Variants in SKAP1 observed in about 807,000 individuals in gnomAD.
The protein encoded by SKAP1 is src kinase associated phosphoprotein 1.
SKAP1 carries 44 observed loss-of-function variants against 58.5 expected under a neutral mutation model. The ratio of observed to expected loss-of-function variants is 0.75; its 90% confidence interval spans 0.59 to 0.97. The LOEUF is 0.97. SKAP1 is among the 50% of genes least tolerant of loss of function. The probability of loss-of-function intolerance (pLI) is 0.00; values close to 1 mark genes in which losing one functional copy is unlikely to be tolerated. For synonymous variants in SKAP1, 127 were observed against 149.7 expected (o/e 0.85, Z 1.11); for missense variants, 390 against 435.2 (o/e 0.90, Z 0.92).
At chr17:48,430,561 G>T (rs1409987097), upstream of SKAP1, among the ~76,000 whole-genome samples, 1 of 152,160 alleles carries the variant, frequency 6.6e-6, no homozygotes, top group East Asian at 1.9e-4. Flanking sequence ...GTGCAGGGAG[G>T]CAGAATCCAA....
intron 11 of SKAP1, among the ~76,000 whole-genome samples, chr17:48,151,956 A>C (rs1336073801): frequency 6.6e-6 from 1 of 152,256 alleles, no homozygotes; most frequent in Admixed American, 6.5e-5. Context: ...AGAAAGGTTC[A>C]GAATATTCTC....
chr17:48,149,495 C>T (rs780311496), intron 11 of SKAP1, among the ~76,000 whole-genome samples: 2 of 152,174 alleles, frequency 1.3e-5, no homozygotes, highest in Non-Finnish European at 2.9e-5. Context: ...GGAAAAGCAA[C>T]GTCCCAGTTG....
At chr17:48,291,488 G>A (rs1334311880) in intron 4 of SKAP1, among the ~76,000 whole-genome samples, 1 of 152,122 alleles carries the variant, frequency 6.6e-6, no homozygotes, top group Non-Finnish European at 1.5e-5. Context: ...TTGCGTACTG[G>A]CAATCAAATC....
At chr17:48,276,849 G>C (rs1320720372) in intron 4 of SKAP1, among the ~76,000 whole-genome samples, 1 of 152,190 alleles carries the variant, frequency 6.6e-6, no homozygotes, top group South Asian at 2.1e-4. Flanking sequence ...GATTGAGCTA[G>C]TTGTATGCGT....
At chr17:48,360,078 T>G (rs1294047087) in intron 3 of SKAP1, among the ~76,000 whole-genome samples, 1 of 152,186 alleles carries the variant, frequency 6.6e-6, no homozygotes. Context: ...ATCTTTAAGT[T>G]GGCAAGAGAT....
chr17:48,284,185 G>A (rs1191754549), intron 4 of SKAP1, among the ~76,000 whole-genome samples: 1 of 152,184 alleles, frequency 6.6e-6, no homozygotes, highest in Non-Finnish European at 1.5e-5. Context: ...GCAAACATTT[G>A]TAGTTGTTCT....
intron 9 of SKAP1, among the ~76,000 whole-genome samples, chr17:48,178,308 C>T (rs8077950): frequency 0.027 from 4,111 of 152,088 alleles, 174 homozygotes; most frequent in African/African-American, 0.092. Context: ...TCTTTCCACC[C>T]GAGAAGGTTC....
rs551400591 is a variant in SKAP1, at chr17:48,311,160, G to A, written c.280+34745C>T. The stretch of plus-strand genomic sequence containing the variant: ...ATGAAAGCCCATCTGTTCCCGTCTC[G>A]GAGTACAAATCGAGTGTCACCCAAC... On this transcript the variant is annotated intron_variant, in intron 4 of 12. Coordinates refer to ENST00000336915, the MANE Select transcript of SKAP1 (RefSeq NM_003726.4). 1.7e-4 allele frequency among the ~76,000 whole-genome samples: 26 copies of A among 152,224 alleles called. No individual in the cohort carries two copies. The South Asian group carries it at 3.7e-3, about 22-fold the overall frequency.
intron 4 of SKAP1, among the ~76,000 whole-genome samples, chr17:48,303,587 C>A (rs1393897060): frequency 6.6e-6 from 1 of 152,142 alleles, no homozygotes; most frequent in Non-Finnish European, 1.5e-5. Context: ...TTTAAAGGGA[C>A]CGCTTTCCTT....
chr17:48,213,710 T>C (rs2064903748), intron 4 of SKAP1, among the ~76,000 whole-genome samples: 1 of 152,210 alleles, frequency 6.6e-6, no homozygotes, highest in South Asian at 2.1e-4. Flanking sequence ...TCACTATGTG[T>C]TGAGGAAAAT....
chr17:48,145,044 G>A (rs2063811680), intron 11 of SKAP1, among the ~76,000 whole-genome samples: 1 of 151,856 alleles, frequency 6.6e-6, no homozygotes, highest in Admixed American at 6.6e-5. Flanking sequence ...AATATAAAAA[G>A]TTATTAAAAA....
At chr17:48,134,467 G>A (rs1328648695) in intron 12 of SKAP1, among the ~76,000 whole-genome samples, 4 of 151,680 alleles carry the variant, frequency 2.6e-5, no homozygotes, top group Non-Finnish European at 4.4e-5. Context: ...ACAGGCGCCC[G>A]CCACCACGCC....
At chr17:48,293,114 AT>A (rs2065919161) in intron 4 of SKAP1, among the ~76,000 whole-genome samples, 1 of 152,200 alleles carries the variant, frequency 6.6e-6, no homozygotes, top group South Asian at 2.1e-4. Flanking sequence ...GTAGTTTTCA[AT>A]ATAATATATT....
intron 4 of SKAP1, among the ~76,000 whole-genome samples, chr17:48,284,616 T>G (rs1464060150): frequency 6.6e-6 from 1 of 152,204 alleles, no homozygotes; most frequent in Non-Finnish European, 1.5e-5. Flanking sequence ...TACACTTATA[T>G]TCAATATATC....
At chr17:48,411,105 G>C (rs1327929798) in intron 1 of SKAP1, among the ~76,000 whole-genome samples, 2 of 151,942 alleles carry the variant, frequency 1.3e-5, no homozygotes, top group Admixed American at 6.6e-5. Context: ...TGGTTGAATA[G>C]ATAAATAAGT....
chr17:48,305,295 C>A (rs139776737), intron 4 of SKAP1, among the ~76,000 whole-genome samples: 202 of 152,254 alleles, frequency 1.3e-3, no homozygotes, highest in Non-Finnish European at 1.4e-3. Flanking sequence ...AGTGATCCTC[C>A]CACCTTGGCC....
chr17:48,332,308 T>C lies in SKAP1; in HGVS notation c.280+13597A>G, dbSNP rs1433711672. 2.6e-5 allele frequency among the ~76,000 whole-genome samples: 4 copies of C among 152,158 alleles called. 1 individual carries two copies. The South Asian group carries it at 8.3e-4, about 31-fold the overall frequency. ...TGTTGAATAGGCTTACTTTTTATAA[T>C]TTCTTTTTACATGCTCTCTGGATAT... On this transcript the variant is annotated intron_variant, in intron 4 of 12. Transcript: ENST00000336915.
chr17:48,293,202 T>C lies in SKAP1; in HGVS notation c.280+52703A>G, dbSNP rs528030654. Among the ~76,000 whole-genome samples the C allele has an allele frequency of 2.0e-5, 3 of 152,320 alleles. No homozygotes were observed. The East Asian group carries it at 5.8e-4, about 29-fold the overall frequency. The stretch of plus-strand genomic sequence containing the variant: ...TGCATAAATTAACTTCTTTATGTAT[T>C]GTATATGTTATAAATAACTAGAAGG... On this transcript the variant is annotated intron_variant, in intron 4 of 12. Coordinates refer to ENST00000336915, the MANE Select transcript of SKAP1 (RefSeq NM_003726.4).
At chr17:48,429,969 A>T in intron 1 of SKAP1, 106 bp downstream of exon 1, 1 of 960,604 alleles carries the variant, frequency 1.0e-6, no homozygotes, top group Non-Finnish European at 1.4e-6. Flanking sequence ...AAGGTTCTAG[A>T]AGGAGGTGAG....
Sources: gnomAD v4.1 joint callset for allele counts (sites outside exome capture counted in the v4.1 genomes callset) on GRCh38, gnomAD v4.1.1 for gene constraint, MANE v1.5 for transcripts, NCBI Gene and HGNC (gene_info 2026-07-23, HGNC 2026-07-21) for gene names.